MAP7D1: variants seen among roughly 807,000 people sequenced by gnomAD.
MAP7D1 encodes the protein MAP7 domain containing 1.
A neutral mutation model predicts 97.5 loss-of-function variants in MAP7D1; 30 were observed. The ratio of observed to expected loss-of-function variants is 0.31; its 90% CI spans 0.23 to 0.42. The LOEUF (loss-of-function observed/expected upper bound fraction) is 0.42, where lower values mean the gene tolerates loss of function less well. MAP7D1 is among the 10% of genes least tolerant of loss of function. The probability of loss-of-function intolerance (pLI) is 1.00; values close to 1 mark genes in which losing one functional copy is unlikely to be tolerated. For synonymous variants in MAP7D1, 536 were observed against 477.1 expected (o/e 1.12, Z -1.61); for missense variants, 1,184 against 1,179.5 (o/e 1.00, Z -0.06).
In MAP7D1 at chr1:36,176,289, C is replaced by T. The variant is rs774811398; in HGVS notation, c.941C>T (p.Ala314Val). 8.2e-6 allele frequency: 13 copies of T among 1,594,524 alleles called. No individual in the cohort carries two copies. The highest frequency in any genetic ancestry group is 4.0e-5 in the African/African-American group (3 of 74,242). The part of the protein sequence containing the change: ...TLSFLARSRS[A>V]VTLPRNGRDQ... ...TCCTTCCTTGCTCGGAGTCGCAGCG[C>T]GGTCACACTGCCCCGCAACGGCCGG... Residue 314 changes from alanine to valine, a missense_variant, in exon 7 of 17, where the codon GCG becomes GTG. By Grantham distance (64) the Ala-to-Val change is moderately conservative (BLOSUM62 0). Transcript: ENST00000474796. The surrounding 1 kb of genome is among the most constrained non-coding windows in gnomAD (Gnocchi z 6.1).
intron 6 of MAP7D1, 103 bp downstream of exon 6, chr1:36,175,111 A>C: frequency 2.9e-6 from 2 of 681,086 alleles, no homozygotes; most frequent in African/African-American, 4.3e-5. Context: ...GCCCTCACAT[A>C]CTCCAGGTCC....
Position 36,159,953 on chromosome 1 carries a change from G to A in MAP7D1, c.46+3490G>A, listed in dbSNP as rs112633087. ...TAATGAGCCCCTAATGTGCAGTCAC[G>A]CATATGCAAATGAGGTGGAAGGGAT... On this transcript the variant is annotated intron_variant, in intron 1 of 16. Transcript: ENST00000474796. The surrounding 1 kb of genome is among the most constrained non-coding windows in gnomAD (Gnocchi z 5.4). 1.1e-4 allele frequency among the ~76,000 whole-genome samples: 16 copies of A among 152,324 alleles called. No homozygotes were observed. Among genetic ancestry groups the A allele is most frequent in the East Asian group, 1.9e-4 (1 of 5,180 alleles).
chr1:36,178,830 C>T lies in MAP7D1; in HGVS notation c.2025+7C>T, dbSNP rs1644670299. 6.5e-7 allele frequency: 1 copy of T among 1,533,748 alleles called. No individual in the cohort carries two copies. The highest frequency in any genetic ancestry group is 8.7e-7 in the Non-Finnish European group (1 of 1,144,910). ...GGAGCGGCTGCAGAAGCAGGTGCCC[C>T]CGGCGGGCGGGAAGCGGCTGGGCGC... On this transcript the variant is annotated splice_region_variant and intron_variant, in intron 11 of 16. Coordinates refer to ENST00000474796, the MANE Select transcript of MAP7D1 (RefSeq NM_001388490.1).
At position 36,178,481 on chromosome 1, in the gene MAP7D1, G is replaced by T; in HGVS notation, c.1771G>T (p.Ala591Ser). 1 of 1,611,548 alleles carries T rather than the reference G, an allele frequency of 6.2e-7. No individual in the cohort carries two copies. Among genetic ancestry groups the T allele is most frequent in the Non-Finnish European group, 8.5e-7 (1 of 1,179,382 alleles). ...CCCGGTGACCCCTAGCAAACCAATG[G>T]CCGGCACCACAGACCGAGAAGAAGC... Reference protein sequence around the residue: ...APPVTPSKPMAGTTDREEATR... With the variant: ...APPVTPSKPMSGTTDREEATR... The change falls in exon 10 of 17, where the codon GCC (alanine) becomes TCC (serine). Residue 591 changes from alanine (A) to serine (S), a missense_variant. Coordinates refer to ENST00000474796, the MANE Select transcript of MAP7D1 (RefSeq NM_001388490.1).
rs1188916840 is a variant in MAP7D1 at position 36,178,228 on chromosome 1, G to A, written c.1708+27G>A. The A allele has an allele frequency of 4.0e-6, 6 of 1,516,442 alleles. No homozygotes were observed. In the South Asian group the frequency reaches 6.3e-5, roughly 16 times the overall value. 93.9% of individuals were successfully genotyped at this position (1,516,442 alleles called of 1,614,324 possible). On this transcript the variant is annotated intron_variant, in intron 9 of 16. Transcript: ENST00000474796. Reference sequence around the variant, plus strand: ...TAGGAATGAAGAGAGGGGAGGGGTGGGCCGAGCGAGAGAAGCCAGCTTCTC... The same window carrying A: ...TAGGAATGAAGAGAGGGGAGGGGTGAGCCGAGCGAGAGAAGCCAGCTTCTC...
intron 1 of MAP7D1, among the ~76,000 whole-genome samples, chr1:36,167,533 GCTGCTTAC>G (rs933213233): frequency 6.6e-6 from 1 of 152,148 alleles, no homozygotes; most frequent in Non-Finnish European, 1.5e-5. Flanking sequence ...CGGGGCAGGT[GCTGCTTAC>G]CAAGCCCCTG....
chr1:36,161,290 G>T (rs1644405622), intron 1 of MAP7D1, among the ~76,000 whole-genome samples: 1 of 152,146 alleles, frequency 6.6e-6, no homozygotes, highest in Admixed American at 6.5e-5. Context: ...CCCCCTAAGG[G>T]TCCCTCCTCT....
At chr1:36,156,538 C>A (rs1557768214) in intron 1 of MAP7D1, 75 bp downstream of exon 1, 1 of 1,244,512 alleles carries the variant, frequency 8.0e-7, no homozygotes, top group East Asian at 3.2e-5. Context: ...TGAGGCCGGC[C>A]GGCTGGGCGG....
At chr1:36,167,424 C>T (rs1310923811) in intron 1 of MAP7D1, among the ~76,000 whole-genome samples, 2 of 152,176 alleles carry the variant, frequency 1.3e-5, no homozygotes, top group Non-Finnish European at 2.9e-5. Context: ...ATGGAGGTCA[C>T]GGGTGTCCTT....
Position 36,180,472 on chromosome 1 carries a change from A to AT in MAP7D1, c.*214_*215insT. ...AGTGCATTCGTGTGCTCGCACGCGC[A>AT]GACATCCCTTCTCCCCCATACACAC... On this transcript the variant is annotated 3_prime_UTR_variant, in exon 17 of 17. Transcript: ENST00000474796. 2 of 634,044 alleles carry AT rather than the reference A, an allele frequency of 3.2e-6. No homozygotes were observed. Among genetic ancestry groups the AT allele is most frequent in the Non-Finnish European group, 5.6e-6 (2 of 358,404 alleles). 39.3% of individuals were successfully genotyped at this position (634,044 alleles called of 1,614,324 possible).
At chr1:36,171,623 A>T (rs1224396068) in intron 3 of MAP7D1, 42 bp downstream of exon 3, 2 of 1,603,966 alleles carry the variant, frequency 1.2e-6, no homozygotes, top group South Asian at 2.2e-5. Context: ...CATCGTCATC[A>T]TCAGCATCCT....
At chr1:36,179,474 G>A (rs562289457) in intron 13 of MAP7D1, 41 bp from the exon 14 acceptor site, 3 of 1,577,672 alleles carry the variant, frequency 1.9e-6, no homozygotes, top group Non-Finnish European at 1.7e-6. Context: ...GGCTGGGGCC[G>A]GCTGTCCCTT....
intron 1 of MAP7D1, among the ~76,000 whole-genome samples, chr1:36,163,041 C>A (rs1052383517): frequency 1.3e-5 from 2 of 152,100 alleles, no homozygotes; most frequent in African/African-American, 4.8e-5. Flanking sequence ...TTTGGCCCAA[C>A]AAGAGTTGTT....
chr1:36,178,645 A>G (rs745711668), intron 10 of MAP7D1, 40 bp from the exon 11 acceptor site: 1 of 1,538,634 alleles, frequency 6.5e-7, no homozygotes, highest in Non-Finnish European at 8.7e-7. Flanking sequence ...GCTGGAGAAG[A>G]AGCAGAGGCC....
chr1:36,173,946 A>G (rs1644582196), intron 5 of MAP7D1, among the ~76,000 whole-genome samples: 1 of 152,046 alleles, frequency 6.6e-6, no homozygotes, highest in South Asian at 2.1e-4. Flanking sequence ...AAGTTTCAGT[A>G]TTTCTAGCTG....
intron 1 of MAP7D1, among the ~76,000 whole-genome samples, chr1:36,169,904 G>C (rs1644518879): frequency 6.6e-6 from 1 of 152,130 alleles, no homozygotes; most frequent in African/African-American, 2.4e-5. Flanking sequence ...TGAGGCAGAA[G>C]GATCTCTTGA....
At chr1:36,158,909 TG>T (rs1644372493) in intron 1 of MAP7D1, among the ~76,000 whole-genome samples, 1 of 152,214 alleles carries the variant, frequency 6.6e-6, no homozygotes, top group South Asian at 2.1e-4. Flanking sequence ...TTTGCTCATC[TG>T]TAAAATGAGA....
chr1:36,179,388 C>T, intron 13 of MAP7D1, 73 bp downstream of exon 13: 1 of 1,593,828 alleles, frequency 6.3e-7, no homozygotes, highest in Non-Finnish European at 8.6e-7. Flanking sequence ...GAAAGGCATC[C>T]ATGGCCACGG....
chr1:36,171,414 TAAAG>T, intron 2 of MAP7D1, 95 bp from the exon 3 acceptor site: 1 of 1,553,166 alleles, frequency 6.4e-7, no homozygotes, highest in Non-Finnish European at 8.8e-7. Context: ...CTAGAGGAGA[TAAAG>T]AAAGGATGGG....
Sources: allele counts gnomAD v4.1 joint callset (sites outside exome capture counted in the v4.1 genomes callset), GRCh38; gene constraint gnomAD v4.1.1; non-coding constraint Gnocchi (gnomAD v3.1); transcripts MANE v1.5; gene names NCBI Gene and HGNC (gene_info 2026-07-23, HGNC 2026-07-21).